The following TRIOBP variants were observed in gnomAD, a reference collection of about 807,000 sequenced individuals.
TRIOBP encodes TRIO and F-actin binding protein, also known as TRIO and F-actin-binding protein.
TRIOBP carries 169 observed loss-of-function variants against 238.8 expected under a neutral mutation model. That is an observed-to-expected ratio of 0.71 (90% confidence interval 0.62 to 0.80). The LOEUF is 0.80. TRIOBP is among the 30% of genes least tolerant of loss of function. The probability of loss-of-function intolerance (pLI) is 0.00; values close to 1 mark genes in which losing one functional copy is unlikely to be tolerated. For synonymous variants in TRIOBP, 1,150 were observed against 1,274.4 expected (o/e 0.90, Z 2.08); for missense variants, 2,838 against 3,122.6 (o/e 0.91, Z 2.17).
intron 11 of TRIOBP, chr22:37,746,504 G>A (rs1226036691): frequency 5.0e-6 from 6 of 1,192,752 alleles, no homozygotes; most frequent in South Asian, 1.6e-5. Flanking sequence ...CCCCTCCGGG[G>A]CAGCCCCCTC....
At chr22:37,717,417 G>A (rs1198434234) in intron 6 of TRIOBP, among the ~76,000 whole-genome samples, 1 of 152,174 alleles carries the variant, frequency 6.6e-6, no homozygotes, top group African/African-American at 2.4e-5. Flanking sequence ...TTATTCTCTT[G>A]TCTGGCCCCA....
chr22:37,715,168 C>T (rs1244078130), intron 5 of TRIOBP, among the ~76,000 whole-genome samples: 2 of 152,122 alleles, frequency 1.3e-5, no homozygotes, highest in Admixed American at 6.5e-5. Flanking sequence ...GCGCCCACCA[C>T]TATGCCTGGC....
chr22:37,723,269 C>A lies in TRIOBP; in HGVS notation c.713C>A (p.Ser238Ter), dbSNP rs200876590. ...ESGLSLERHR[S>*]TLTQASSMTP... The stretch of plus-strand genomic sequence containing the variant: ...GGGTTGTCCCTGGAGCGGCACCGGT[C>A]AACACTGACCCAGGCTTCCTCCATG... Residue 238 changes from serine to a stop codon, truncating the protein, a stop_gained, in exon 7 of 24, where the codon TCA becomes TAA. Coordinates refer to ENST00000644935, the MANE Select transcript of TRIOBP (RefSeq NM_001039141.3). LOFTEE classifies it high-confidence loss of function. 2.9e-5 allele frequency: 47 copies of A among 1,614,080 alleles called. No individual in the cohort carries two copies. Among genetic ancestry groups the A allele is most frequent in the Non-Finnish European group, 3.9e-5 (46 of 1,179,980 alleles).
In TRIOBP at chr22:37,774,734, G is replaced by A. The variant is rs1223922552; in HGVS notation, c.*954G>A. ...AAGCATGTGGGAAATAGCAAGTCCAGTCCCACCCCAACCTACTGAACCAGC... is the reference window on the plus strand; with the variant it reads ...AAGCATGTGGGAAATAGCAAGTCCAATCCCACCCCAACCTACTGAACCAGC... On this transcript the variant is annotated 3_prime_UTR_variant, in exon 24 of 24. Transcript: ENST00000644935. 2.0e-5 allele frequency: 3 copies of A among 152,392 alleles called. No individual in the cohort carries two copies. The highest frequency in any genetic ancestry group is 4.4e-5 in the Non-Finnish European group (3 of 68,212). The allele number at this position is 152,392 out of a possible 1,614,324, so 9.4% of individuals were successfully genotyped here. A position where few individuals can be genotyped will look rare whatever the true frequency, so the allele number is the denominator to read the frequency against.
At chr22:37,716,081 C>T (rs1923502638) in intron 6 of TRIOBP, 147 bp downstream of exon 6, 1 of 775,924 alleles carries the variant, frequency 1.3e-6, no homozygotes, top group Non-Finnish European at 2.2e-6. Context: ...CATGATGGAG[C>T]AGCCACAATG....
Position 37,769,089 on chromosome 22 carries a change from T to A in TRIOBP, c.6637T>A (p.Cys2213Ser). The change falls in exon 20 of 24, where the codon TGC becomes AGC. Residue 2213 changes from cysteine (C) to serine (S), a missense_variant. Physicochemically the swap from Cys to Ser is moderately radical, Grantham distance 112 (BLOSUM62 -1). Coordinates refer to ENST00000644935, the MANE Select transcript of TRIOBP (RefSeq NM_001039141.3). Reference sequence around the variant, plus strand: ...GCTATCGGAGCAGTACTCGCAGAAGTGCCTGGAGATTGGGGCACTCATGCG... The same window carrying A: ...GCTATCGGAGCAGTACTCGCAGAAGAGCCTGGAGATTGGGGCACTCATGCG... ...QVLSEQYSQK[C>S]LEIGALMRQA... 1.2e-6 allele frequency: 2 copies of A among 1,613,508 alleles called. No homozygotes were observed. Among genetic ancestry groups the A allele is most frequent in the South Asian group, 2.2e-5 (2 of 91,082 alleles).
In TRIOBP at chr22:37,735,445, A is replaced by G. The variant is rs1924626072; in HGVS notation, c.5106+3A>G. The stretch of plus-strand genomic sequence containing the variant: ...GCCCCAGCTTGCCAGAGCTGCAGGT[A>G]AGGAGGTTTCCACCCTCCCAAGGGT... On this transcript the variant is annotated splice_donor_region_variant and intron_variant, in intron 9 of 23. Transcript: ENST00000644935. 1.3e-6 allele frequency: 2 copies of G among 1,556,016 alleles called. No homozygotes were observed. Among genetic ancestry groups the G allele is most frequent in the South Asian group, 1.2e-5 (1 of 85,120 alleles).
At chr22:37,759,614 C>T in intron 17 of TRIOBP, 1 of 1,548,730 alleles carries the variant, frequency 6.5e-7, no homozygotes, top group African/African-American at 1.4e-5. Flanking sequence ...AAGTGGGGGG[C>T]TAGTGGCCCC....
At chr22:37,713,027 G>A (rs1294657440) in intron 4 of TRIOBP, among the ~76,000 whole-genome samples, 183 bp from the exon 5 acceptor site, 3 of 151,664 alleles carry the variant, frequency 2.0e-5, no homozygotes, top group African/African-American at 7.3e-5. Context: ...AAGGGATGCT[G>A]TTTTAGCTCA....
Position 37,710,425 on chromosome 22 carries a change from A to G in TRIOBP, c.115-2A>G, listed in dbSNP as rs756131942. ...TGTCTCCTCTCTCCAACCCTGGCCCAGGAGCTCAGGAGCCCTTCAGGTGCT... is the reference window on the plus strand; with the variant it reads ...TGTCTCCTCTCTCCAACCCTGGCCCGGGAGCTCAGGAGCCCTTCAGGTGCT... On this transcript the variant is annotated splice_acceptor_variant, in intron 3 of 23. Transcript: ENST00000644935. LOFTEE classifies it high-confidence loss of function. 6.2e-7 allele frequency: 1 copy of G among 1,613,392 alleles called. No homozygotes were observed. The highest frequency in any genetic ancestry group is 1.1e-5 in the South Asian group (1 of 91,086).
chr22:37,714,808 C>T (rs1430657536), intron 5 of TRIOBP, among the ~76,000 whole-genome samples: 1 of 152,074 alleles, frequency 6.6e-6, no homozygotes, highest in African/African-American at 2.4e-5. Context: ...TCCTCAGTAG[C>T]TGGGACTATA....
rs550995908 is a variant in TRIOBP, at chr22:37,725,556, T to C, written c.3000T>C (p.Tyr1000=). ...CCTCACCTGTGTACCCCGCTGCCTATGGGGCTCCCCTGACCTCTCCTGAGC... is the reference window on the plus strand; with the variant it reads ...CCTCACCTGTGTACCCCGCTGCCTACGGGGCTCCCCTGACCTCTCCTGAGC... ...RTSSPVYPAA[Y]GAPLTSPEPS... is the part of the protein sequence containing the mutation. The change falls in exon 7 of 24, where the codon TAT becomes TAC. Residue 1000 remains tyrosine, a synonymous_variant. Transcript: ENST00000644935. The C allele has an allele frequency of 2.2e-5, 35 of 1,613,688 alleles. No homozygotes were observed. The South Asian group carries it at 3.1e-4, about 14-fold the overall frequency.
chr22:37,764,709 GTAT>G (rs1926400056), intron 17 of TRIOBP, among the ~76,000 whole-genome samples: 1 of 152,146 alleles, frequency 6.6e-6, no homozygotes, highest in Non-Finnish European at 1.5e-5. Flanking sequence ...CCAGCAGTGG[GTAT>G]TATTAGTCTG....
rs1043379669 is a variant in TRIOBP, at chr22:37,774,646, C to T, written c.*866C>T. 1 of 152,262 alleles carries T rather than the reference C, an allele frequency of 6.6e-6. No individual in the cohort carries two copies. Among genetic ancestry groups the T allele is most frequent in the Non-Finnish European group, 1.5e-5 (1 of 68,058 alleles). The allele number at this position is 152,262 out of a possible 1,614,324, so 9.4% of individuals were successfully genotyped here. A position where few individuals can be genotyped will look rare whatever the true frequency, so the allele number is the denominator to read the frequency against. ...GGCTTCTGAGGGTGGGGCTGAAAAT[C>T]CAAGGTCTCCCTTAGTACAGACTGT... On this transcript the variant is annotated 3_prime_UTR_variant, in exon 24 of 24. Transcript: ENST00000644935.
intron 21 of TRIOBP, among the ~76,000 whole-genome samples, chr22:37,770,943 A>G (rs1275242033): frequency 6.6e-6 from 1 of 152,064 alleles, no homozygotes; most frequent in Admixed American, 6.6e-5. Flanking sequence ...CTGCCTCCCA[A>G]AGTGCTGGGA....
intron 17 of TRIOBP, chr22:37,759,686 AAGG>A (rs1430787963): frequency 6.6e-7 from 1 of 1,516,324 alleles, no homozygotes; most frequent in African/African-American, 1.4e-5. Context: ...GGCCCCACAC[AAGG>A]AGGTCTGCAG....
In TRIOBP at chr22:37,734,611, G is replaced by T. The variant is rs372536465; in HGVS notation, c.4275G>T (p.Gly1425=). ...AAGCAGGCCCAAGACAGCCTCTGGG[G>T]GTGTGGCAGAGTCAGGAGGAACCGC... ...SGQAGPRQPL[G]VWQSQEEPPG... is the part of the protein sequence containing the mutation. The change falls in exon 9 of 24, where the codon GGG becomes GGT. Residue 1425 remains glycine (G), a synonymous_variant. Coordinates refer to ENST00000644935, the MANE Select transcript of TRIOBP (RefSeq NM_001039141.3). The T allele has an allele frequency of 2.0e-5, 32 of 1,582,878 alleles. No individual in the cohort carries two copies. Among genetic ancestry groups the T allele is most frequent in the Non-Finnish European group, 2.7e-5 (31 of 1,164,888 alleles).
chr22:37,703,501 C>CTT (rs1922766599), intron 3 of TRIOBP, among the ~76,000 whole-genome samples: 1 of 138,774 alleles, frequency 7.2e-6, no homozygotes, highest in Non-Finnish European at 1.6e-5. Flanking sequence ...TCTGAAGGTC[C>CTT]TCTTTTTTTT....
rs1226278734 is a variant in TRIOBP at position 37,740,889 on chromosome 22, T to A, written c.5185-6T>A. The A allele has an allele frequency of 6.4e-7, 1 of 1,569,852 alleles. No homozygotes were observed. The highest frequency in any genetic ancestry group is 1.9e-5 in the Admixed American group (1 of 52,164). On this transcript the variant is annotated splice_region_variant and splice_polypyrimidine_tract_variant and intron_variant, in intron 10 of 23. Coordinates refer to ENST00000644935, the MANE Select transcript of TRIOBP (RefSeq NM_001039141.3). ...CCTGGGGCCAACACTGGACCCTGTT[T>A]GACAGGCAGACAAGAGGCCAGCAGA...
Sources: allele counts gnomAD v4.1 joint callset (sites outside exome capture counted in the v4.1 genomes callset), GRCh38; gene constraint gnomAD v4.1.1; transcripts MANE v1.5; gene names NCBI Gene and HGNC (gene_info 2026-07-23, HGNC 2026-07-21).